The following DUS2 variants were observed in gnomAD, a reference collection of about 807,000 sequenced individuals.
The protein encoded by DUS2 is dihydrouridine synthase 2, also known as tRNA-dihydrouridine(20) synthase [NAD(P)+]-like.
A neutral mutation model predicts 71.3 loss-of-function variants in DUS2; 52 were observed. The ratio of observed to expected loss-of-function variants is 0.73; its 90% confidence interval spans 0.58 to 0.92. The LOEUF (loss-of-function observed/expected upper bound fraction) is 0.92, where lower values mean the gene tolerates loss of function less well. DUS2 is among the 40% of genes least tolerant of loss of function. The pLI is 0.00. For missense variants in DUS2, 558 were observed against 622.6 expected (o/e 0.90, Z 1.10); for synonymous variants, 204 against 227.8 (o/e 0.90, Z 0.94).
At chr16:68,038,747 TAAAAATA>T (rs1156569206) in intron 3 of DUS2, among the ~76,000 whole-genome samples, 6 of 136,150 alleles carry the variant, frequency 4.4e-5, no homozygotes, top group African/African-American at 1.1e-4. Context: ...AAAAAAAAGA[TAAAAATA>T]AAAAATAAAA....
chr16:68,057,472 C>T (rs1457343032), intron 7 of DUS2, among the ~76,000 whole-genome samples: 2 of 151,450 alleles, frequency 1.3e-5, no homozygotes, highest in African/African-American at 2.4e-5. Context: ...GTGGCCCACA[C>T]ATGTAATCCT....
Position 68,078,974 on chromosome 16 carries a change from G to T in DUS2, c.1470G>T (p.Leu490=). 1 of 1,571,602 alleles carries T rather than the reference G, an allele frequency of 6.4e-7. No homozygotes were observed. The highest frequency in any genetic ancestry group is 8.7e-7 in the Non-Finnish European group (1 of 1,155,714). ...VALGSGEESP[L]EGW ...TGGGAAGTGGTGAAGAAAGCCCCCTGGAAGGCTGGTGACTACTCTTCCTGC... is the reference window on the plus strand; with the variant it reads ...TGGGAAGTGGTGAAGAAAGCCCCCTTGAAGGCTGGTGACTACTCTTCCTGC... Residue 490 remains leucine, a synonymous_variant, in exon 17 of 17, where the codon CTG becomes CTT. Coordinates refer to ENST00000565263, the MANE Select transcript of DUS2 (RefSeq NM_017803.5).
chr16:68,073,948 T>A, intron 12 of DUS2, 86 bp from the exon 13 acceptor site: 2 of 1,562,700 alleles, frequency 1.3e-6, no homozygotes, highest in Non-Finnish European at 1.7e-6. Context: ...CTCTGGTGCC[T>A]TCTTGGAGCT....
intron 8 of DUS2, among the ~76,000 whole-genome samples, chr16:68,063,200 G>C (rs543010142): frequency 1.3e-5 from 2 of 152,346 alleles, no homozygotes; most frequent in African/African-American, 4.8e-5. Flanking sequence ...GGCCAGGTTG[G>C]ACTGATAGAT....
At chr16:68,058,434 G>C (rs2033892736) in intron 7 of DUS2, among the ~76,000 whole-genome samples, 2 of 151,978 alleles carry the variant, frequency 1.3e-5, no homozygotes, top group South Asian at 4.2e-4. Context: ...TGCCATGTTA[G>C]CCAGGCTGGT....
intron 2 of DUS2, among the ~76,000 whole-genome samples, chr16:68,031,049 A>AT (rs1238995983): frequency 6.6e-6 from 1 of 151,182 alleles, no homozygotes; most frequent in Non-Finnish European, 1.5e-5. Context: ...TGGCATAGAC[A>AT]TTTTTTAGGA....
At chr16:68,067,370 C>G (rs1161422370) in intron 10 of DUS2, among the ~76,000 whole-genome samples, 1 of 138,688 alleles carries the variant, frequency 7.2e-6, no homozygotes, top group African/African-American at 2.7e-5. Context: ...CAATCTCCAT[C>G]TCCCGGGTTC....
intron 7 of DUS2, among the ~76,000 whole-genome samples, chr16:68,057,880 C>CAAA (rs5817628): frequency 1.1e-5 from 1 of 92,152 alleles, no homozygotes; most frequent in African/African-American, 4.1e-5. Flanking sequence ...AAATCTGTCT[C>CAAA]AAAAAAAAAA....
chr16:68,067,570 C>G (rs2151424246), intron 10 of DUS2, among the ~76,000 whole-genome samples: 1 of 151,948 alleles, frequency 6.6e-6, no homozygotes, highest in Non-Finnish European at 1.5e-5. Context: ...GCATGAGCCA[C>G]CAGGCCCAGC....
Position 68,075,361 on chromosome 16 carries a change from C to G in DUS2, c.939C>G (p.Ala313=), listed in dbSNP as rs776983360. ...TCTGCTTCTTCCTCCCTAGTGAGGCCTTTGGCCTTGGTGCCTTCTATGAGG... is the reference window on the plus strand; with the variant it reads ...TCTGCTTCTTCCTCCCTAGTGAGGCGTTTGGCCTTGGTGCCTTCTATGAGG... ...AAQSSREICE[A]FGLGAFYEET... Residue 313 remains alanine, a synonymous_variant, in exon 14 of 17, where the codon GCC becomes GCG. Transcript: ENST00000565263. 1.2e-6 allele frequency: 2 copies of G among 1,607,216 alleles called. No individual in the cohort carries two copies. The highest frequency in any genetic ancestry group is 1.7e-6 in the Non-Finnish European group (2 of 1,176,352).
intron 2 of DUS2, among the ~76,000 whole-genome samples, chr16:68,029,435 C>A (rs560108553): frequency 6.6e-6 from 1 of 151,970 alleles, no homozygotes; most frequent in Non-Finnish European, 1.5e-5. Flanking sequence ...GCTACCACAC[C>A]TGGTGTATTT....
At position 68,062,622 on chromosome 16, in the gene DUS2, G is replaced by A. The variant is rs192286777; in HGVS notation, c.417+1509G>A. ...TGGTCCCAGCTACTCAGGAGGCTGA[G>A]GCAGGAGAATGGCATAAACCCGGGA... On this transcript the variant is annotated intron_variant, in intron 8 of 16. Coordinates refer to ENST00000565263, the MANE Select transcript of DUS2 (RefSeq NM_017803.5). 8.5e-3 allele frequency among the ~76,000 whole-genome samples: 1,292 copies of A among 151,490 alleles called. 14 individuals carry two copies. The highest frequency in any genetic ancestry group is 0.014 in the Non-Finnish European group (928 of 67,934).
intron 3 of DUS2, among the ~76,000 whole-genome samples, chr16:68,045,093 G>A (rs920503101): frequency 1.3e-5 from 2 of 152,078 alleles, no homozygotes; most frequent in African/African-American, 4.8e-5. Context: ...GTGCCCGGCC[G>A]TGTTATTCTT....
At chr16:68,065,499 G>A (rs2033993183) in intron 8 of DUS2, among the ~76,000 whole-genome samples, 1 of 151,998 alleles carries the variant, frequency 6.6e-6, no homozygotes, top group African/African-American at 2.4e-5. Flanking sequence ...GACCAGCCTG[G>A]CCAACATGGT....
chr16:68,072,777 C>A (rs1333835996), intron 12 of DUS2, among the ~76,000 whole-genome samples: 4 of 152,232 alleles, frequency 2.6e-5, no homozygotes, highest in Non-Finnish European at 5.9e-5. Flanking sequence ...CCTGCCCTAC[C>A]TCTAGCCAGC....
intron 10 of DUS2, among the ~76,000 whole-genome samples, chr16:68,067,861 T>A (rs527476902): frequency 6.6e-6 from 1 of 151,444 alleles, no homozygotes; most frequent in South Asian, 2.1e-4. Context: ...GATCTCCTTA[T>A]GTTGCCCAGG....
intron 1 of DUS2, among the ~76,000 whole-genome samples, chr16:68,024,658 C>T (rs1230505525): frequency 1.3e-5 from 2 of 151,944 alleles, no homozygotes; most frequent in Non-Finnish European, 2.9e-5. Flanking sequence ...GGAGAGTTAC[C>T]AGATAAATCA....
intron 2 of DUS2, among the ~76,000 whole-genome samples, chr16:68,032,484 G>T (rs1349404297): frequency 6.6e-6 from 1 of 152,152 alleles, no homozygotes; most frequent in Non-Finnish European, 1.5e-5. Context: ...AGAAATGTAG[G>T]GTGTTTGGAA....
chr16:68,057,099 A>G (rs2033868748), intron 7 of DUS2, among the ~76,000 whole-genome samples: 2 of 140,412 alleles, frequency 1.4e-5, no homozygotes. Context: ...ATAATTATAG[A>G]TTACATATAT....
Sources: gnomAD v4.1 joint callset for allele counts (sites outside exome capture counted in the v4.1 genomes callset) on GRCh38, gnomAD v4.1.1 for gene constraint, MANE v1.5 for transcripts, NCBI Gene and HGNC (gene_info 2026-07-23, HGNC 2026-07-21) for gene names.